GSG1L: variants seen among roughly 807,000 people sequenced by gnomAD.
GSG1L encodes the protein GSG1 like.
In GSG1L, 24 loss-of-function variants were observed where a neutral mutation model predicts 42.1. The ratio of observed to expected loss-of-function variants is 0.57; its 90% CI spans 0.41 to 0.80. The LOEUF (loss-of-function observed/expected upper bound fraction) is 0.80. Ranked by LOEUF, GSG1L falls within the 30% of genes least tolerant of loss-of-function variation. The pLI, the probability that GSG1L is intolerant of heterozygous loss-of-function variation, is 0.00. For synonymous variants in GSG1L, 215 were observed against 203.5 expected, an observed-to-expected ratio of 1.06 and a Z score of -0.48; for missense variants, 445 against 472.2, an observed-to-expected ratio of 0.94 and a Z score of 0.53.
intron 4 of GSG1L, among the ~76,000 whole-genome samples, chr16:27,833,716 A>G (rs1202946625): frequency 1.3e-5 from 2 of 152,106 alleles, no homozygotes; most frequent in Non-Finnish European, 2.9e-5. Context: ...TAAATGATAT[A>G]TATTTTTAAT....
intron 1 of GSG1L, among the ~76,000 whole-genome samples, chr16:28,009,402 G>C (rs2085687829): frequency 6.6e-6 from 1 of 151,950 alleles, no homozygotes; most frequent in Non-Finnish European, 1.5e-5. Flanking sequence ...GACCCTGATG[G>C]ATTTGTCTCA....
At chr16:27,851,081 G>A (rs558973996) in intron 3 of GSG1L, among the ~76,000 whole-genome samples, 4 of 152,298 alleles carry the variant, frequency 2.6e-5, no homozygotes, top group Admixed American at 2.0e-4. Flanking sequence ...GTCCAGAGAC[G>A]GCCAGAAGGT....
At chr16:27,958,203 G>A (rs112393417) in intron 2 of GSG1L, among the ~76,000 whole-genome samples, 5 of 151,964 alleles carry the variant, frequency 3.3e-5, no homozygotes, top group Admixed American at 6.6e-5. Context: ...TCAGGAGTTC[G>A]AGACCAGCCT....
chr16:28,006,167 A>G (rs1453539500), intron 1 of GSG1L, among the ~76,000 whole-genome samples: 1 of 152,232 alleles, frequency 6.6e-6, no homozygotes, highest in Non-Finnish European at 1.5e-5. Flanking sequence ...TGCAGCCAGC[A>G]AGAAAGCAGG....
chr16:27,910,297 C>T (rs2084373021), intron 2 of GSG1L, among the ~76,000 whole-genome samples: 3 of 152,058 alleles, frequency 2.0e-5, no homozygotes, highest in Admixed American at 2.0e-4. Context: ...TGGTCTGGTC[C>T]ATATTTGGGA....
At chr16:27,999,574 A>T (rs1463882115) in intron 1 of GSG1L, among the ~76,000 whole-genome samples, 1 of 152,218 alleles carries the variant, frequency 6.6e-6, no homozygotes. Context: ...ATTAATACTC[A>T]TACCTAATAT....
At chr16:28,017,885 G>A (rs1263055146) in intron 1 of GSG1L, among the ~76,000 whole-genome samples, 2 of 152,136 alleles carry the variant, frequency 1.3e-5, no homozygotes, top group Non-Finnish European at 2.9e-5. Flanking sequence ...GGGGAGGGAC[G>A]GGATGTGATG....
At chr16:28,042,676 T>C (rs1384885752) in intron 1 of GSG1L, among the ~76,000 whole-genome samples, 2 of 152,038 alleles carry the variant, frequency 1.3e-5, no homozygotes, top group African/African-American at 4.8e-5. Context: ...AATAAGACAC[T>C]GGGGACAATT....
intron 1 of GSG1L, among the ~76,000 whole-genome samples, chr16:28,030,416 A>G (rs1194155227): frequency 2.0e-5 from 3 of 152,170 alleles, no homozygotes; most frequent in Non-Finnish European, 4.4e-5. Flanking sequence ...CACTACATGA[A>G]GAGGACTGCC....
intron 3 of GSG1L, among the ~76,000 whole-genome samples, chr16:27,867,341 CCTT>C (rs908205524): frequency 6.6e-6 from 1 of 152,224 alleles, no homozygotes; most frequent in Admixed American, 6.5e-5. Flanking sequence ...CTCTAAGCCT[CCTT>C]CTCCTCATCT....
intron 1 of GSG1L, among the ~76,000 whole-genome samples, chr16:27,973,278 C>T (rs2085212758): frequency 1.3e-5 from 2 of 151,636 alleles, no homozygotes; most frequent in Non-Finnish European, 2.9e-5. Flanking sequence ...GGTGAAACCC[C>T]GTCTCTACTG....
intron 1 of GSG1L, among the ~76,000 whole-genome samples, chr16:28,044,028 A>G (rs1483409861): frequency 6.6e-6 from 1 of 151,444 alleles, no homozygotes; most frequent in Non-Finnish European, 1.5e-5. Flanking sequence ...TCTGAAAAAA[A>G]CAAACAAAAA....
chr16:28,001,577 C>T (rs977901168), intron 1 of GSG1L, among the ~76,000 whole-genome samples: 4 of 152,214 alleles, frequency 2.6e-5, no homozygotes, highest in African/African-American at 9.6e-5. Flanking sequence ...TCGTCTCCTC[C>T]ACCAGCTTAC....
At chr16:27,809,426 C>T (rs1436088469) in intron 5 of GSG1L, among the ~76,000 whole-genome samples, 1 of 151,542 alleles carries the variant, frequency 6.6e-6, no homozygotes, top group Non-Finnish European at 1.5e-5. Flanking sequence ...AAAAATAAGC[C>T]AGCACATGTG....
rs188624092 is a variant in GSG1L at position 27,900,180 on chromosome 16, A to C, written c.398-15542T>G. Among the ~76,000 whole-genome samples, 75 of 152,316 alleles carry C rather than the reference A, an allele frequency of 4.9e-4. 1 individual carries two copies. The highest frequency in any genetic ancestry group is 1.8e-3 in the African/African-American group (75 of 41,568). Reference sequence around the variant, plus strand: ...CAGGACTTGGATCCAGTCCTCCAGGAACCCCAAATTGAACCTGCGGGGTGA... The same window carrying C: ...CAGGACTTGGATCCAGTCCTCCAGGCACCCCAAATTGAACCTGCGGGGTGA... On this transcript the variant is annotated intron_variant, in intron 2 of 6. Coordinates refer to ENST00000447459, the MANE Select transcript of GSG1L (RefSeq NM_001109763.2).
At chr16:27,903,670 C>T (rs1407045698) in intron 2 of GSG1L, among the ~76,000 whole-genome samples, 1 of 152,152 alleles carries the variant, frequency 6.6e-6, no homozygotes, top group African/African-American at 2.4e-5. Flanking sequence ...AGAGTGGCCT[C>T]AAAGCTGCAA....
intron 2 of GSG1L, among the ~76,000 whole-genome samples, chr16:27,918,477 G>A (rs1183824300): frequency 6.6e-6 from 1 of 152,016 alleles, no homozygotes; most frequent in Non-Finnish European, 1.5e-5. Context: ...GGCCAACGTG[G>A]CAAAACCCTG....
chr16:27,838,995 T>C (rs868454436), intron 4 of GSG1L, among the ~76,000 whole-genome samples: 23 of 152,318 alleles, frequency 1.5e-4, no homozygotes, highest in African/African-American at 2.4e-4. Flanking sequence ...TCTCCAGTTG[T>C]CTTTGGGGCC....
At chr16:27,972,884 CAG>C (rs373612147) in intron 1 of GSG1L, among the ~76,000 whole-genome samples, 11 of 152,312 alleles carry the variant, frequency 7.2e-5, no homozygotes, top group African/African-American at 2.4e-4. Context: ...AGAAAAACAA[CAG>C]AGAGTCATTT....
Sources: allele counts gnomAD v4.1 joint callset (sites outside exome capture counted in the v4.1 genomes callset), GRCh38; gene constraint gnomAD v4.1.1; transcripts MANE v1.5; gene names NCBI Gene and HGNC (gene_info 2026-07-23, HGNC 2026-07-21).